Variants in RTN1 observed in about 807,000 individuals in gnomAD.
RTN1 encodes reticulon-1.
RTN1 carries 25 observed loss-of-function variants against 65.5 expected under a neutral mutation model. The ratio of observed to expected loss-of-function variants is 0.38; its 90% CI spans 0.28 to 0.53. The LOEUF is 0.53. Ranked by LOEUF, RTN1 falls within the 20% of genes least tolerant of loss-of-function variation. The pLI is 0.79. For missense variants in RTN1, 983 were observed against 1,025.4 expected, an observed-to-expected ratio of 0.96 and a Z score of 0.57; for synonymous variants, 471 against 447.6, an observed-to-expected ratio of 1.05 and a Z score of -0.66.
intron 1 of RTN1, among the ~76,000 whole-genome samples, chr14:59,752,308 A>G (rs1302460543): frequency 6.6e-6 from 1 of 152,102 alleles, no homozygotes; most frequent in Non-Finnish European, 1.5e-5. Context: ...CACTTCCTAC[A>G]TAGCCATCTT....
intron 2 of RTN1, among the ~76,000 whole-genome samples, chr14:59,745,433 G>A (rs144731999): frequency 1.3e-5 from 2 of 152,032 alleles, no homozygotes; most frequent in African/African-American, 4.8e-5. Context: ...TTTCCAGTAT[G>A]TCATTCTAAC....
chr14:59,750,347 T>TCTATA (rs1566713657), intron 1 of RTN1, among the ~76,000 whole-genome samples: 566 of 3,704 alleles, frequency 0.15, 41 homozygotes, highest in Non-Finnish European at 0.21. Context: ...ATATCTATAA[T>TCTATA]ATATATTATA....
intron 3 of RTN1, among the ~76,000 whole-genome samples, chr14:59,726,202 T>C (rs932945373): frequency 6.6e-6 from 1 of 152,196 alleles, no homozygotes; most frequent in East Asian, 1.9e-4. Context: ...GGAAAACAAA[T>C]GACTTCCATT....
intron 1 of RTN1, among the ~76,000 whole-genome samples, chr14:59,843,056 C>T (rs4899003): frequency 1 from 152,319 of 152,364 alleles, 76,137 homozygotes; most frequent in Middle Eastern, 1. Flanking sequence ...GTTGTATTCA[C>T]AATAGCTTTA....
intron 1 of RTN1, among the ~76,000 whole-genome samples, chr14:59,828,095 C>G (rs1050053095): frequency 5.3e-5 from 8 of 152,210 alleles, no homozygotes; most frequent in African/African-American, 1.9e-4. Flanking sequence ...TGTGGCTTAG[C>G]AAGCGCCAAT....
chr14:59,602,551 T>TACAC lies in RTN1; in HGVS notation c.2288+510_2288+513dup, dbSNP rs546657553. 1.4e-4 allele frequency among the ~76,000 whole-genome samples: 21 copies of TACAC among 152,238 alleles called. No individual in the cohort carries two copies. In the South Asian group the frequency reaches 4.4e-3, roughly 32 times the overall value. On this transcript the variant is annotated intron_variant, in intron 8 of 8. Coordinates refer to ENST00000267484, the MANE Select transcript of RTN1 (RefSeq NM_021136.3). ...TTAAAAAGCAGTGGTATTAAACACA[T>TACAC]ACACACAGTTGTCGAGTTAAAATGG...
chr14:59,857,080 T>C (rs1287549086), intron 1 of RTN1, among the ~76,000 whole-genome samples: 1 of 152,302 alleles, frequency 6.6e-6, no homozygotes, highest in Non-Finnish European at 1.5e-5. Flanking sequence ...GCTTTTGTGA[T>C]ACTATAATAA....
At chr14:59,717,610 T>G (rs1156829742) in intron 3 of RTN1, among the ~76,000 whole-genome samples, 2 of 152,160 alleles carry the variant, frequency 1.3e-5, no homozygotes, top group Non-Finnish European at 2.9e-5. Flanking sequence ...AGTGGCATTG[T>G]GGGGTGGAGA....
chr14:59,712,755 T>C (rs1884450323), intron 3 of RTN1, among the ~76,000 whole-genome samples: 1 of 151,954 alleles, frequency 6.6e-6, no homozygotes, highest in Non-Finnish European at 1.5e-5. Context: ...CTACTAAAAA[T>C]ACAAAATTAG....
intron 4 of RTN1, among the ~76,000 whole-genome samples, chr14:59,606,372 CT>C (rs939161833): frequency 9.9e-5 from 15 of 152,104 alleles, no homozygotes; most frequent in African/African-American, 3.6e-4. Context: ...ATGTTGAAAT[CT>C]TAACCCCCTA....
rs1272256526 is a variant in RTN1, at chr14:59,870,503, T to G, written c.128A>C (p.Gln43Pro). Reference sequence around the variant, plus strand: ...CAACCCCGGGCTGGGCTCCCCAGCCTGCGGCGCCGGCGTGGCCCCTTTCGG... The same window carrying G: ...CAACCCCGGGCTGGGCTCCCCAGCCGGCGGCGCCGGCGTGGCCCCTTTCGG... ...VTPKGATPAP[Q>P]AGEPSPGLGA... is the part of the protein sequence containing the mutation. Residue 43 changes from glutamine to proline, a missense_variant, in exon 1 of 9, where the codon CAG (glutamine) becomes CCG (proline). Transcript: ENST00000267484. This position sits in a 1 kb window ranked among gnomAD's most constrained non-coding sequence, Gnocchi z 5.1. 6.9e-7 allele frequency: 1 copy of G among 1,456,230 alleles called. No homozygotes were observed. Among genetic ancestry groups the G allele is most frequent in the Admixed American group, 2.5e-5 (1 of 39,400 alleles). 90.2% of individuals were successfully genotyped at this position (1,456,230 alleles called of 1,614,324 possible).
At chr14:59,598,241 G>C (rs1260834655) in intron 8 of RTN1, among the ~76,000 whole-genome samples, 2 of 152,322 alleles carry the variant, frequency 1.3e-5, no homozygotes, top group Non-Finnish European at 2.9e-5. Context: ...GGACCCACTT[G>C]ATCTGTTGAT....
intron 6 of RTN1, 54 bp downstream of exon 6, chr14:59,603,798 A>T (rs373171824): frequency 9.9e-6 from 14 of 1,412,284 alleles, no homozygotes; most frequent in Non-Finnish European, 1.4e-5. Flanking sequence ...CCTAGGAAGC[A>T]GCGTTTTCAC....
At chr14:59,785,230 CTG>C (rs1375395716) in intron 1 of RTN1, among the ~76,000 whole-genome samples, 1 of 152,202 alleles carries the variant, frequency 6.6e-6, no homozygotes, top group African/African-American at 2.4e-5. Flanking sequence ...TCCCAAAATA[CTG>C]TGTCTTCCAA....
intron 3 of RTN1, among the ~76,000 whole-genome samples, chr14:59,662,412 T>A (rs1169675521): frequency 4.6e-5 from 7 of 151,118 alleles, no homozygotes; most frequent in Non-Finnish European, 8.8e-5. Flanking sequence ...CATGCGGTGT[T>A]TGTTTTTTTG....
At position 59,596,623 on chromosome 14, in the gene RTN1, C is replaced by T. The variant is rs1881406901; in HGVS notation, c.*122G>A. Reference sequence around the variant, plus strand: ...TAAAAACAGCTGTTTTAAGGTTTGTCTCTAAGATTATGGTACTGGAGGGAG... The same window carrying T: ...TAAAAACAGCTGTTTTAAGGTTTGTTTCTAAGATTATGGTACTGGAGGGAG... On this transcript the variant is annotated 3_prime_UTR_variant, in exon 9 of 9. Transcript: ENST00000267484. 2.5e-6 allele frequency: 2 copies of T among 793,766 alleles called. No individual in the cohort carries two copies. Among genetic ancestry groups the T allele is most frequent in the South Asian group, 1.5e-5 (1 of 67,538 alleles). 49.2% of individuals were successfully genotyped at this position (793,766 alleles called of 1,614,324 possible).
intron 1 of RTN1, among the ~76,000 whole-genome samples, chr14:59,819,286 T>C (rs1287616059): frequency 2.0e-5 from 3 of 151,832 alleles, no homozygotes; most frequent in East Asian, 1.9e-4. Context: ...GAGGTTGCAG[T>C]TGGGGCTCGG....
chr14:59,855,364 C>T (rs186201801), intron 1 of RTN1, among the ~76,000 whole-genome samples: 6 of 152,284 alleles, frequency 3.9e-5, no homozygotes, highest in Non-Finnish European at 7.4e-5. Context: ...AAAATTATCT[C>T]GATTACTGTG....
rs1887221151 is a variant in RTN1 at position 59,836,865 on chromosome 14, G to A, written c.241+33525C>T. 1.3e-5 allele frequency among the ~76,000 whole-genome samples: 2 copies of A among 152,116 alleles called. No homozygotes were observed. ...AAGAGGGAGAAATTACAGAACCTATGTTATAAAAGCTGTCAAACTCTTCTG... is the reference window on the plus strand; with the variant it reads ...AAGAGGGAGAAATTACAGAACCTATATTATAAAAGCTGTCAAACTCTTCTG... On this transcript the variant is annotated intron_variant, in intron 1 of 8. Transcript: ENST00000267484. The surrounding 1 kb of genome is among the most constrained non-coding windows in gnomAD (Gnocchi z 4.9).
Sources: gnomAD v4.1 joint callset for allele counts (sites outside exome capture counted in the v4.1 genomes callset) on GRCh38, gnomAD v4.1.1 for gene constraint, Gnocchi (gnomAD v3.1) non-coding constraint, MANE v1.5 for transcripts, NCBI Gene and HGNC (gene_info 2026-07-23, HGNC 2026-07-21) for gene names.